The following MAF variants were observed in gnomAD, a reference collection of about 807,000 sequenced individuals.
MAF encodes the protein MAF bZIP transcription factor, also known as transcription factor Maf.
A neutral mutation model predicts 22.0 loss-of-function variants in MAF; 10 were observed. That is an observed-to-expected ratio of 0.45 (90% CI 0.28 to 0.77). MAF has a LOEUF of 0.77. Among genes scored for constraint, MAF ranks in the 30% least tolerant of loss-of-function variants. The pLI is 0.12. For missense variants in MAF, 544 were observed against 548.4 expected, an observed-to-expected ratio of 0.99 and a Z score of 0.08; for synonymous variants, 337 against 255.8, an observed-to-expected ratio of 1.32 and a Z score of -3.03.
chr16:79,533,151 C>T, the MAF span, among the ~76,000 whole-genome samples: 3 of 152,168 alleles, frequency 2.0e-5, no homozygotes, highest in African/African-American at 7.2e-5. Flanking sequence ...AGCCATGGAT[C>T]AAGAACATTA....
chr16:79,458,859 C>G, the MAF span, among the ~76,000 whole-genome samples: 1 of 152,182 alleles, frequency 6.6e-6, no homozygotes, highest in African/African-American at 2.4e-5. Context: ...AAAAGTTTCT[C>G]CCTGAGGAGG....
the MAF span, among the ~76,000 whole-genome samples, chr16:79,295,630 G>T: frequency 6.6e-6 from 1 of 152,194 alleles, no homozygotes; most frequent in South Asian, 2.1e-4. Flanking sequence ...GGCTAAATTT[G>T]TTAACTTAAC....
At chr16:79,466,069 TA>T in the MAF span, among the ~76,000 whole-genome samples, 1 of 152,340 alleles carries the variant, frequency 6.6e-6, no homozygotes, top group Non-Finnish European at 1.5e-5. Flanking sequence ...GCTTAGAAGA[TA>T]AAGTAACAGG....
the MAF span, among the ~76,000 whole-genome samples, chr16:79,288,610 T>C: frequency 3.9e-5 from 6 of 152,216 alleles, no homozygotes; most frequent in Admixed American, 2.6e-4. Context: ...TTTGGGAAGG[T>C]GTTGTTATAT....
At chr16:79,589,021 A>G (rs1187636582), downstream of MAF, among the ~76,000 whole-genome samples, 2 of 152,182 alleles carry the variant, frequency 1.3e-5, no homozygotes, top group African/African-American at 4.8e-5. Context: ...AGATACTGAC[A>G]TGTTTGTTTT....
chr16:79,536,398 T>C, the MAF span, among the ~76,000 whole-genome samples: 2 of 152,312 alleles, frequency 1.3e-5, no homozygotes, highest in South Asian at 2.1e-4. Flanking sequence ...ATCCCAGCAC[T>C]TGGGGAGGCC....
the MAF span, among the ~76,000 whole-genome samples, chr16:79,443,647 G>C: frequency 6.6e-6 from 1 of 152,226 alleles, no homozygotes; most frequent in Admixed American, 6.5e-5. Flanking sequence ...AGCAAATGCA[G>C]AGATTGGTGT....
the MAF span, among the ~76,000 whole-genome samples, chr16:79,248,350 T>G: frequency 2.8e-4 from 43 of 152,318 alleles, no homozygotes; most frequent in African/African-American, 9.9e-4. Context: ...ATAATAATTC[T>G]ATTTCAGACA....
At chr16:79,392,709 C>G in the MAF span, among the ~76,000 whole-genome samples, 1 of 152,136 alleles carries the variant, frequency 6.6e-6, no homozygotes, top group Non-Finnish European at 1.5e-5. Flanking sequence ...ACATGTGAAA[C>G]TCAGCCCACA....
downstream of MAF, among the ~76,000 whole-genome samples, chr16:79,589,077 G>C (rs1052297113): frequency 1.3e-5 from 2 of 152,136 alleles, no homozygotes; most frequent in Non-Finnish European, 2.9e-5. Flanking sequence ...TTCCCTAAGA[G>C]AGAGGGAGAG....
the MAF span, among the ~76,000 whole-genome samples, chr16:79,354,287 T>C: frequency 6.6e-6 from 1 of 152,214 alleles, no homozygotes; most frequent in South Asian, 2.1e-4. Flanking sequence ...CCATGGCACC[T>C]GGCCACAGTA....
chr16:79,359,801 C>G, the MAF span, among the ~76,000 whole-genome samples: 2 of 152,114 alleles, frequency 1.3e-5, no homozygotes, highest in East Asian at 3.9e-4. Context: ...CACTGGCATT[C>G]AGGAGGGAGT....
the MAF span, among the ~76,000 whole-genome samples, chr16:79,244,198 A>G: frequency 6.6e-6 from 1 of 152,024 alleles, no homozygotes; most frequent in Admixed American, 6.6e-5. Flanking sequence ...TCAACACAGT[A>G]TCGGAAGTTC....
At chr16:79,273,941 G>A in the MAF span, among the ~76,000 whole-genome samples, 5 of 139,428 alleles carry the variant, frequency 3.6e-5, no homozygotes, top group East Asian at 2.2e-4. Context: ...TAGGTACTTC[G>A]TGTCTGCCTT....
At chr16:79,318,009 C>T in the MAF span, among the ~76,000 whole-genome samples, 3 of 152,156 alleles carry the variant, frequency 2.0e-5, no homozygotes, top group African/African-American at 4.8e-5. Flanking sequence ...CAGTGTCATG[C>T]CTTTGTTTGG....
chr16:79,597,761 A>AG, intron 1 of MAF: 1 of 1,019,514 alleles, frequency 9.8e-7, no homozygotes, highest in Non-Finnish European at 1.2e-6. Context: ...GGAAAAAAAA[A>AG]GGAAAAAATA....
At chr16:79,208,780 A>G in the MAF span, among the ~76,000 whole-genome samples, 1 of 152,192 alleles carries the variant, frequency 6.6e-6, no homozygotes, top group Non-Finnish European at 1.5e-5. Context: ...CCTGTTACTA[A>G]ACTGTCATCA....
At chr16:79,411,214 G>A in the MAF span, among the ~76,000 whole-genome samples, 1 of 150,826 alleles carries the variant, frequency 6.6e-6, no homozygotes, top group Non-Finnish European at 1.5e-5. Context: ...AACCTTGGTG[G>A]CTGGGACCTC....
At chr16:79,390,525 A>C in the MAF span, among the ~76,000 whole-genome samples, 1 of 152,192 alleles carries the variant, frequency 6.6e-6, no homozygotes. Flanking sequence ...TAAAAATGTG[A>C]GTTATCTTTT....
Sources: allele counts gnomAD v4.1 joint callset (sites outside exome capture counted in the v4.1 genomes callset), GRCh38; gene constraint gnomAD v4.1.1; transcripts MANE v1.5; gene names NCBI Gene and HGNC (gene_info 2026-07-23, HGNC 2026-07-21).